The following HIBADH variants were observed in gnomAD, a reference collection of about 807,000 sequenced individuals.
HIBADH encodes 3-hydroxyisobutyrate dehydrogenase.
A neutral mutation model predicts 36.1 loss-of-function variants in HIBADH; 25 were observed. The ratio of observed to expected loss-of-function variants is 0.69; its 90% CI spans 0.50 to 0.97. The LOEUF (loss-of-function observed/expected upper bound fraction) is 0.97. Among genes scored for constraint, HIBADH ranks in the 50% least tolerant of loss-of-function variants. The pLI is 0.00. For synonymous variants in HIBADH, 160 were observed against 149.5 expected (o/e 1.07, Z -0.51); for missense variants, 421 against 418.0 (o/e 1.01, Z -0.06).
intron 2 of HIBADH, among the ~76,000 whole-genome samples, chr7:27,644,677 ATCAC>A (rs1240448710): frequency 6.6e-6 from 1 of 151,978 alleles, no homozygotes; most frequent in East Asian, 1.9e-4. Context: ...AGGCAGAAGA[ATCAC>A]TCGAACCCAG....
chr7:27,566,823 T>C (rs1346425221), intron 4 of HIBADH, among the ~76,000 whole-genome samples: 2 of 152,156 alleles, frequency 1.3e-5, no homozygotes, highest in Non-Finnish European at 2.9e-5. Context: ...TGTTATTCAA[T>C]TTCCAAATAT....
At chr7:27,601,750 A>G (rs1281928134) in intron 4 of HIBADH, among the ~76,000 whole-genome samples, 1 of 152,128 alleles carries the variant, frequency 6.6e-6, no homozygotes, top group African/African-American at 2.4e-5. Context: ...TTAGAAGGTT[A>G]AAAATTCTGG....
chr7:27,644,095 T>G (rs1048815659), intron 2 of HIBADH, among the ~76,000 whole-genome samples: 3 of 152,210 alleles, frequency 2.0e-5, no homozygotes, highest in African/African-American at 7.2e-5. Flanking sequence ...TTCACCCATT[T>G]AAAGTATACC....
At chr7:27,542,896 G>A (rs748013886) in intron 5 of HIBADH, 71 bp downstream of exon 5, 23 of 1,438,928 alleles carry the variant, frequency 1.6e-5, no homozygotes, top group Non-Finnish European at 2.2e-5. Context: ...TAAAAATATG[G>A]TCAGGAAAGA....
chr7:27,569,815 C>T (rs1023770807), intron 4 of HIBADH, among the ~76,000 whole-genome samples: 1 of 152,154 alleles, frequency 6.6e-6, no homozygotes, highest in Admixed American at 6.6e-5. Context: ...CATAGTTCCT[C>T]TGATCAGAGA....
Position 27,537,161 on chromosome 7 carries a change from T to G in HIBADH, c.695+1180A>C, listed in dbSNP as rs577227323. Among the ~76,000 whole-genome samples the G allele has an allele frequency of 6.6e-5, 10 of 152,322 alleles. No homozygotes were observed. The South Asian group carries it at 2.1e-3, about 32-fold the overall frequency. On this transcript the variant is annotated intron_variant, in intron 6 of 7. Coordinates refer to ENST00000265395, the MANE Select transcript of HIBADH (RefSeq NM_152740.4). ...AAAGGTCCCTATATACTACCACTTTTATTAAGGCTCTGTACAGACATGCTT... is the reference window on the plus strand; with the variant it reads ...AAAGGTCCCTATATACTACCACTTTGATTAAGGCTCTGTACAGACATGCTT...
At chr7:27,614,833 G>A (rs1178279189) in intron 4 of HIBADH, among the ~76,000 whole-genome samples, 1 of 152,102 alleles carries the variant, frequency 6.6e-6, no homozygotes, top group African/African-American at 2.4e-5. Context: ...TCTCAATCAG[G>A]AAAGACCCCA....
chr7:27,582,986 A>G (rs1784815560), intron 4 of HIBADH, among the ~76,000 whole-genome samples: 1 of 152,100 alleles, frequency 6.6e-6, no homozygotes, highest in African/African-American at 2.4e-5. Context: ...GTACTCAGCA[A>G]TTTTACAAAA....
intron 2 of HIBADH, among the ~76,000 whole-genome samples, chr7:27,638,207 A>C (rs1420574831): frequency 6.6e-6 from 1 of 151,394 alleles, no homozygotes; most frequent in Non-Finnish European, 1.5e-5. Context: ...AGTAACCAAA[A>C]TAGCATGGTA....
At chr7:27,661,624 G>T (rs1442242228) in intron 1 of HIBADH, among the ~76,000 whole-genome samples, 2 of 150,178 alleles carry the variant, frequency 1.3e-5, no homozygotes, top group Non-Finnish European at 3.0e-5. Context: ...GGGGGGCCAA[G>T]GGGCTCAAAT....
intron 4 of HIBADH, among the ~76,000 whole-genome samples, chr7:27,553,266 A>C (rs1784343784): frequency 6.6e-6 from 1 of 152,234 alleles, no homozygotes. Flanking sequence ...ACAGCAGCAG[A>C]AAACATTAGT....
At chr7:27,540,390 T>C (rs1049917277) in intron 5 of HIBADH, among the ~76,000 whole-genome samples, 6 of 152,178 alleles carry the variant, frequency 3.9e-5, no homozygotes, top group African/African-American at 1.4e-4. Context: ...CTATTAGCTC[T>C]TGAATTAATC....
At chr7:27,633,546 C>T (rs767430961) in intron 2 of HIBADH, among the ~76,000 whole-genome samples, 1 of 152,116 alleles carries the variant, frequency 6.6e-6, no homozygotes, top group South Asian at 2.1e-4. Flanking sequence ...GTAGTCCCAG[C>T]TCCTTGGGAG....
At chr7:27,567,798 T>C (rs1348559874) in intron 4 of HIBADH, among the ~76,000 whole-genome samples, 1 of 152,210 alleles carries the variant, frequency 6.6e-6, no homozygotes, top group African/African-American at 2.4e-5. Context: ...TCATCTGTAT[T>C]ACATTTACAT....
chr7:27,552,371 C>G (rs1382408476), intron 4 of HIBADH, among the ~76,000 whole-genome samples: 2 of 152,180 alleles, frequency 1.3e-5, no homozygotes, highest in Non-Finnish European at 2.9e-5. Context: ...CAAAAACACT[C>G]ACAGCACTCT....
intron 4 of HIBADH, among the ~76,000 whole-genome samples, chr7:27,578,058 G>A (rs1222037878): frequency 6.6e-6 from 1 of 152,152 alleles, no homozygotes; most frequent in East Asian, 1.9e-4. Context: ...TTGTTCATTA[G>A]AATGAACATA....
At chr7:27,660,395 G>A (rs1371420480) in intron 1 of HIBADH, among the ~76,000 whole-genome samples, 1 of 152,228 alleles carries the variant, frequency 6.6e-6, no homozygotes, top group Non-Finnish European at 1.5e-5. Flanking sequence ...CGGGCACAGT[G>A]GCTCACGCCT....
chr7:27,586,147 CA>C (rs1350124637), intron 4 of HIBADH, among the ~76,000 whole-genome samples: 1 of 152,170 alleles, frequency 6.6e-6, no homozygotes, highest in Non-Finnish European at 1.5e-5. Flanking sequence ...AGATTATCAC[CA>C]ATTTCTACAA....
intron 4 of HIBADH, among the ~76,000 whole-genome samples, chr7:27,557,467 C>CTATCACAGAA (rs1272586127): frequency 6.6e-6 from 1 of 152,112 alleles, no homozygotes; most frequent in African/African-American, 2.4e-5. Context: ...TTTTGTGCTC[C>CTATCACAGAA]TATCACAGAA....
Sources: gnomAD v4.1 joint callset for allele counts (sites outside exome capture counted in the v4.1 genomes callset) on GRCh38, gnomAD v4.1.1 for gene constraint, MANE v1.5 for transcripts, NCBI Gene and HGNC (gene_info 2026-07-23, HGNC 2026-07-21) for gene names.